Variants in GDPD1 observed in about 807,000 individuals in gnomAD.
The protein encoded by GDPD1 is glycerophosphodiester phosphodiesterase domain containing 1, also known as lysophospholipase D GDPD1.
Under a neutral mutation model 45.1 loss-of-function variants are expected in GDPD1, and 28 were observed. That is an observed-to-expected ratio of 0.62 (90% CI 0.46 to 0.85). GDPD1 has a LOEUF of 0.85. GDPD1 is among the 40% of genes least tolerant of loss of function. The probability of loss-of-function intolerance (pLI) is 0.00; values close to 1 mark genes in which losing one functional copy is unlikely to be tolerated. For synonymous variants in GDPD1, 139 were observed against 131.4 expected, an observed-to-expected ratio of 1.06 and a Z score of -0.40; for missense variants, 256 against 364.8, an observed-to-expected ratio of 0.70 and a Z score of 2.43.
chr17:59,225,497 A>C (rs973822745), intron 1 of GDPD1, among the ~76,000 whole-genome samples: 4 of 152,004 alleles, frequency 2.6e-5, no homozygotes, highest in African/African-American at 9.7e-5. Context: ...GGTGTCTGCC[A>C]AGCTTTTCCA....
intron 2 of GDPD1, among the ~76,000 whole-genome samples, chr17:59,242,564 A>G (rs746853869): frequency 2.6e-5 from 4 of 152,208 alleles, no homozygotes; most frequent in Non-Finnish European, 5.9e-5. Flanking sequence ...TTAAAAATTT[A>G]CACACAAACT....
intron 2 of GDPD1, among the ~76,000 whole-genome samples, chr17:59,236,172 G>C (rs1031806889): frequency 4.0e-5 from 6 of 151,850 alleles, no homozygotes; most frequent in African/African-American, 1.5e-4. Flanking sequence ...AAAACACTGG[G>C]TTATACAATA....
intron 2 of GDPD1, among the ~76,000 whole-genome samples, chr17:59,240,914 CATG>C (rs1274694969): frequency 6.6e-6 from 1 of 152,208 alleles, no homozygotes; most frequent in African/African-American, 2.4e-5. Context: ...AAGCTCCATT[CATG>C]ATAAGTGCCC....
rs1318005577 is a variant in GDPD1, at chr17:59,271,634, T to TTTTA, written c.770+654_770+657dup. 1.8e-3 allele frequency among the ~76,000 whole-genome samples: 233 copies of TTTTA among 126,590 alleles called. 9 individuals are homozygous for TTTTA. In the South Asian group the frequency reaches 0.047, roughly 25 times the overall value. 83.0% of individuals were successfully genotyped at this position (126,590 alleles called of 152,430 possible). A position where few individuals can be genotyped will look rare whatever the true frequency, so the allele number is the denominator to read the frequency against. ...TTTTATTTTATTTTATTTTATTTTA[T>TTTTA]TTTATTTATTTATTTATTCATTTTT... is the stretch of plus-strand genomic sequence containing the variant. On this transcript the variant is annotated intron_variant, in intron 8 of 9. Transcript: ENST00000284116.
intron 4 of GDPD1, among the ~76,000 whole-genome samples, chr17:59,256,176 G>A (rs1230501942): frequency 3.3e-5 from 5 of 151,830 alleles, no homozygotes; most frequent in South Asian, 2.1e-4. Flanking sequence ...AAAATTAGCC[G>A]AGCGTGATGG....
intron 1 of GDPD1, among the ~76,000 whole-genome samples, chr17:59,221,705 C>T (rs2047006498): frequency 6.6e-6 from 1 of 151,960 alleles, no homozygotes; most frequent in Non-Finnish European, 1.5e-5. Context: ...GTATAAAGTG[C>T]GGTGAAATTG....
intron 4 of GDPD1, 117 bp from the exon 5 acceptor site, chr17:59,257,005 T>C: frequency 4.0e-6 from 2 of 501,492 alleles, no homozygotes; most frequent in Non-Finnish European, 6.9e-6. Context: ...TTTTTTCTTC[T>C]CTATACTTTT....
intron 2 of GDPD1, among the ~76,000 whole-genome samples, chr17:59,237,259 G>T (rs1014427624): frequency 6.6e-6 from 1 of 152,046 alleles, no homozygotes; most frequent in Non-Finnish European, 1.5e-5. Context: ...AAAATTAACC[G>T]GGCGTGGTGG....
chr17:59,267,748 C>A (rs2047409924), intron 7 of GDPD1, among the ~76,000 whole-genome samples: 1 of 151,466 alleles, frequency 6.6e-6, no homozygotes, highest in Non-Finnish European at 1.5e-5. Context: ...CGACTCACTG[C>A]AACCTCTGCC....
At chr17:59,261,968 A>C (rs1396053034) in intron 6 of GDPD1, among the ~76,000 whole-genome samples, 1 of 112,442 alleles carries the variant, frequency 8.9e-6, no homozygotes, top group Non-Finnish European at 1.6e-5. Flanking sequence ...CCCAGGCTGG[A>C]GTGCAGTGGC....
intron 1 of GDPD1, among the ~76,000 whole-genome samples, chr17:59,230,203 G>A (rs1021698156): frequency 6.6e-6 from 1 of 151,792 alleles, no homozygotes; most frequent in African/African-American, 2.4e-5. Context: ...AGAAAAAGAA[G>A]GATAAACTGT....
intron 1 of GDPD1, among the ~76,000 whole-genome samples, chr17:59,224,315 CCA>C (rs2047028469): frequency 6.6e-6 from 1 of 151,918 alleles, no homozygotes; most frequent in Non-Finnish European, 1.5e-5. Flanking sequence ...TAAGAAACTA[CCA>C]CTTGTAAGAA....
At chr17:59,231,605 C>T (rs1156591631) in intron 1 of GDPD1, among the ~76,000 whole-genome samples, 1 of 151,922 alleles carries the variant, frequency 6.6e-6, no homozygotes, top group South Asian at 2.1e-4. Context: ...GTATTACAGG[C>T]GTGAGCCACC....
intron 2 of GDPD1, among the ~76,000 whole-genome samples, chr17:59,241,688 G>A (rs888831391): frequency 6.6e-6 from 1 of 151,832 alleles, no homozygotes; most frequent in Non-Finnish European, 1.5e-5. Context: ...CAGCACTTTG[G>A]GAGGCCGAGG....
At chr17:59,227,256 T>C (rs1186885394) in intron 1 of GDPD1, among the ~76,000 whole-genome samples, 4 of 151,714 alleles carry the variant, frequency 2.6e-5, no homozygotes, top group Non-Finnish European at 5.9e-5. Context: ...CCGTCTCTAC[T>C]AAAAATACAA....
chr17:59,237,663 T>C (rs1376166595), intron 2 of GDPD1, among the ~76,000 whole-genome samples: 1 of 152,070 alleles, frequency 6.6e-6, no homozygotes, highest in African/African-American at 2.4e-5. Flanking sequence ...TGAGGAGATA[T>C]TAATGACAAT....
At chr17:59,244,829 C>G (rs1014657281) in intron 2 of GDPD1, among the ~76,000 whole-genome samples, 19 of 151,692 alleles carry the variant, frequency 1.3e-4, no homozygotes, top group Non-Finnish European at 2.5e-4. Flanking sequence ...GACCCTATCT[C>G]TACTAAAAAT....
intron 2 of GDPD1, among the ~76,000 whole-genome samples, chr17:59,238,990 G>T (rs2047155691): frequency 6.6e-6 from 1 of 152,126 alleles, no homozygotes; most frequent in African/African-American, 2.4e-5. Context: ...GTTCTCAAGG[G>T]CTAATAAAAC....
intron 6 of GDPD1, among the ~76,000 whole-genome samples, chr17:59,265,617 G>A (rs1271839768): frequency 5.3e-5 from 8 of 151,720 alleles, no homozygotes; most frequent in Non-Finnish European, 1.2e-4. Context: ...TATAAAGTTG[G>A]CCAGGCAAGG....
Sources: gnomAD v4.1 joint callset for allele counts (sites outside exome capture counted in the v4.1 genomes callset) on GRCh38, gnomAD v4.1.1 for gene constraint, MANE v1.5 for transcripts, NCBI Gene and HGNC (gene_info 2026-07-23, HGNC 2026-07-21) for gene names.